KPNA6: variants seen among roughly 807,000 people sequenced by gnomAD.
KPNA6 encodes karyopherin subunit alpha 6, also known as importin subunit alpha-7.
A neutral mutation model predicts 72.0 loss-of-function variants in KPNA6; 9 were observed. The ratio of observed to expected loss-of-function variants is 0.13; its 90% CI spans 0.08 to 0.22. The LOEUF is 0.22. KPNA6 is among the 10% of genes least tolerant of loss of function. The probability of loss-of-function intolerance (pLI) is 1.00; values close to 1 mark genes in which losing one functional copy is unlikely to be tolerated. For synonymous variants in KPNA6, 219 were observed against 242.1 expected (o/e 0.90, Z 0.89); for missense variants, 374 against 655.7 (o/e 0.57, Z 4.69).
chr1:32,152,574 G>A (rs1356922328), intron 1 of KPNA6, among the ~76,000 whole-genome samples: 3 of 152,048 alleles, frequency 2.0e-5, no homozygotes, highest in Non-Finnish European at 2.9e-5. Flanking sequence ...GGCCAGGCAC[G>A]GTGGCTCACA....
intron 1 of KPNA6, among the ~76,000 whole-genome samples, chr1:32,134,968 C>T (rs1641707715): frequency 6.6e-6 from 1 of 150,930 alleles, no homozygotes; most frequent in South Asian, 2.1e-4. Context: ...TGCAGTGGCA[C>T]AATCTCAGCT....
intron 1 of KPNA6, among the ~76,000 whole-genome samples, chr1:32,124,763 T>A (rs1256848691): frequency 6.6e-6 from 1 of 151,264 alleles, no homozygotes; most frequent in Non-Finnish European, 1.5e-5. Flanking sequence ...CGCCTTGGCC[T>A]CCCAAAGTGC....
At chr1:32,169,372 A>G (rs1156718648) in intron 12 of KPNA6, among the ~76,000 whole-genome samples, 2 of 151,880 alleles carry the variant, frequency 1.3e-5, no homozygotes, top group Non-Finnish European at 2.9e-5. Flanking sequence ...CTCAAAAAAA[A>G]AAAAAGGACT....
chr1:32,135,129 G>A (rs764091874), intron 1 of KPNA6, among the ~76,000 whole-genome samples: 5 of 151,760 alleles, frequency 3.3e-5, no homozygotes, highest in Non-Finnish European at 7.4e-5. Flanking sequence ...GTGCAGTGGC[G>A]CAATCTCAGC....
Position 32,171,030 on chromosome 1 carries a change from C to A in KPNA6, c.*136C>A. Reference sequence around the variant, plus strand: ...GCTGCCCTGGAGACTGTGCTCTTGACCTGCTCCGCCCCCTTCCCTGGAGGG... The same window carrying A: ...GCTGCCCTGGAGACTGTGCTCTTGAACTGCTCCGCCCCCTTCCCTGGAGGG... On this transcript the variant is annotated 3_prime_UTR_variant, in exon 14 of 14. Transcript: ENST00000373625. The A allele has an allele frequency of 4.2e-6, 3 of 712,784 alleles. No homozygotes were observed. The highest frequency in any genetic ancestry group is 7.9e-4 in the Middle Eastern group (2 of 2,516). 44.2% of individuals were successfully genotyped at this position (712,784 alleles called of 1,614,324 possible). A position where few individuals can be genotyped will look rare whatever the true frequency, so the allele number is the denominator to read the frequency against.
chr1:32,170,100 T>C (rs1642409526), intron 13 of KPNA6, 40 bp downstream of exon 13: 2 of 1,574,146 alleles, frequency 1.3e-6, no homozygotes, highest in Non-Finnish European at 8.7e-7. Context: ...AACCTGAGAC[T>C]GTAGGCCTCC....
chr1:32,108,204 CCTGTCT>C, intron 1 of KPNA6, 70 bp downstream of exon 1: 1 of 1,601,702 alleles, frequency 6.2e-7, no homozygotes. Flanking sequence ...TTGGCGAGAG[CCTGTCT>C]CCGGTCTGCG....
intron 13 of KPNA6, among the ~76,000 whole-genome samples, 155 bp from the exon 14 acceptor site, chr1:32,170,552 T>G (rs547748104): frequency 1.3e-5 from 2 of 152,280 alleles, no homozygotes; most frequent in African/African-American, 4.8e-5. Context: ...TGAGAAGAAA[T>G]CTTAACTCTC....
At chr1:32,160,861 A>G (rs1418648188) in intron 7 of KPNA6, among the ~76,000 whole-genome samples, 158 bp downstream of exon 7, 4 of 152,164 alleles carry the variant, frequency 2.6e-5, no homozygotes, top group Non-Finnish European at 4.4e-5. Context: ...ATCTTTGGAG[A>G]TTGAGAAGGT....
rs952624405 is a variant in KPNA6 at position 32,158,692 on chromosome 1, G to A, written c.426+331G>A. Among the ~76,000 whole-genome samples, 99 of 152,166 alleles carry A rather than the reference G, an allele frequency of 6.5e-4. 1 individual carries two copies. The highest frequency in any genetic ancestry group is 2.3e-3 in the African/African-American group (95 of 41,512). On this transcript the variant is annotated intron_variant, in intron 5 of 13. Transcript: ENST00000373625. ...ATCCCACCCCCAGTCCCCCACTACTGGGAAGGGGTTATTAGATGAAAGCCC... is the reference window on the plus strand; with the variant it reads ...ATCCCACCCCCAGTCCCCCACTACTAGGAAGGGGTTATTAGATGAAAGCCC...
chr1:32,166,522 G>A (rs1642341451), intron 11 of KPNA6, among the ~76,000 whole-genome samples: 1 of 151,840 alleles, frequency 6.6e-6, no homozygotes, highest in African/African-American at 2.4e-5. Flanking sequence ...CTATTCGGGA[G>A]GCTGAGGCAG....
At chr1:32,166,025 AACAACAACAAC>A in intron 10 of KPNA6, 69 bp from the exon 11 acceptor site, 2 of 1,476,486 alleles carry the variant, frequency 1.4e-6, no homozygotes, top group Non-Finnish European at 1.8e-6. Flanking sequence ...CAACAACAAC[AACAACAACAAC>A]AAAAAAACAT....
intron 1 of KPNA6, among the ~76,000 whole-genome samples, chr1:32,144,297 G>A (rs545884928): frequency 1.3e-5 from 2 of 152,306 alleles, no homozygotes; most frequent in South Asian, 4.1e-4. Flanking sequence ...AGGTGGAATA[G>A]ATGGTTAGCG....
intron 1 of KPNA6, among the ~76,000 whole-genome samples, chr1:32,126,631 C>T (rs1434879050): frequency 2.6e-5 from 4 of 151,908 alleles, no homozygotes; most frequent in Non-Finnish European, 4.4e-5. Context: ...GTGATCCACC[C>T]GCCTCAGCCT....
chr1:32,122,258 G>A (rs1272086097), intron 1 of KPNA6, among the ~76,000 whole-genome samples: 1 of 151,542 alleles, frequency 6.6e-6, no homozygotes, highest in Non-Finnish European at 1.5e-5. Flanking sequence ...TGGGGGACAA[G>A]AGCTAGATTT....
At chr1:32,126,939 T>G (rs1330743996) in intron 1 of KPNA6, among the ~76,000 whole-genome samples, 2 of 152,300 alleles carry the variant, frequency 1.3e-5, no homozygotes, top group East Asian at 3.9e-4. Flanking sequence ...TTTTTTTCTT[T>G]GACCGTAACT....
Position 32,154,269 on chromosome 1 carries a change from C to A in KPNA6, c.5-319C>A, listed in dbSNP as rs116075127. Among the ~76,000 whole-genome samples the A allele has an allele frequency of 9.5e-3, 1,441 of 152,258 alleles. 18 individuals are homozygous for A. The highest frequency in any genetic ancestry group is 0.032 in the African/African-American group (1,326 of 41,550). ...TTAAATTCTGAAGCAATAAAAGTTA[C>A]AGGAGCTTGTCCAAGGTTGCACAGC... On this transcript the variant is annotated intron_variant, in intron 1 of 13. Transcript: ENST00000373625.
chr1:32,144,374 A>G (rs1329650447), intron 1 of KPNA6, among the ~76,000 whole-genome samples: 1 of 152,234 alleles, frequency 6.6e-6, no homozygotes, highest in African/African-American at 2.4e-5. Context: ...TTATCTGGAA[A>G]TTTCCATTTA....
At chr1:32,163,517 T>C (rs747252245) in intron 10 of KPNA6, among the ~76,000 whole-genome samples, 1 of 152,214 alleles carries the variant, frequency 6.6e-6, no homozygotes, top group Non-Finnish European at 1.5e-5. Context: ...CTTCTTTTCT[T>C]ACATAAATTG....
Sources: gnomAD v4.1 joint callset for allele counts (sites outside exome capture counted in the v4.1 genomes callset) on GRCh38, gnomAD v4.1.1 for gene constraint, MANE v1.5 for transcripts, NCBI Gene and HGNC (gene_info 2026-07-23, HGNC 2026-07-21) for gene names.